Variants in IQGAP2 observed in about 807,000 individuals in gnomAD.
IQGAP2 encodes the protein ras GTPase-activating-like protein IQGAP2.
IQGAP2 carries 173 observed loss-of-function variants against 201.3 expected under a neutral mutation model. The observed-to-expected ratio is 0.86, with a 90% confidence interval of 0.76 to 0.98. The LOEUF (loss-of-function observed/expected upper bound fraction) is 0.98, where lower values mean the gene tolerates loss of function less well. Ranked by LOEUF, IQGAP2 falls within the 50% of genes least tolerant of loss-of-function variation. The pLI is 0.00. For missense variants in IQGAP2, 1,687 were observed against 1,864.8 expected (o/e 0.90, Z 1.76); for synonymous variants, 675 against 673.9 (o/e 1.00, Z -0.03).
intron 11 of IQGAP2, 24 bp from the exon 12 acceptor site, chr5:76,606,155 T>G (rs548298499): frequency 6.4e-7 from 1 of 1,569,980 alleles, no homozygotes; most frequent in Non-Finnish European, 8.6e-7. Context: ...CTAATTAACA[T>G]CAAGATTATT....
chr5:76,617,222 A>G, intron 13 of IQGAP2: 1 of 174,760 alleles, frequency 5.7e-6, no homozygotes, highest in South Asian at 1.4e-4. Context: ...AGGCCGGAAG[A>G]TCACTTGAGG....
chr5:76,522,010 ATT>A (rs760289436), intron 2 of IQGAP2, among the ~76,000 whole-genome samples: 5 of 152,098 alleles, frequency 3.3e-5, no homozygotes, highest in African/African-American at 4.8e-5. Context: ...CAATTAAATC[ATT>A]CTTACAAGTA....
At chr5:76,591,879 C>T (rs1746681242) in intron 8 of IQGAP2, among the ~76,000 whole-genome samples, 1 of 152,122 alleles carries the variant, frequency 6.6e-6, no homozygotes, top group African/African-American at 2.4e-5. Context: ...AGAAGAGTTC[C>T]CCTTGCTGAC....
chr5:76,554,729 G>A (rs1445223895), intron 2 of IQGAP2, among the ~76,000 whole-genome samples: 1 of 152,110 alleles, frequency 6.6e-6, no homozygotes, highest in Admixed American at 6.5e-5. Flanking sequence ...TGGTACAGCT[G>A]TTTTGGAAAA....
intron 35 of IQGAP2, among the ~76,000 whole-genome samples, chr5:76,704,128 T>A (rs1747671072): frequency 6.6e-6 from 1 of 152,282 alleles, no homozygotes; most frequent in South Asian, 2.1e-4. Context: ...TCTAACTTAC[T>A]TTAAATGTCA....
At chr5:76,501,345 C>T (rs1333876861) in intron 2 of IQGAP2, among the ~76,000 whole-genome samples, 3 of 152,104 alleles carry the variant, frequency 2.0e-5, no homozygotes, top group African/African-American at 7.2e-5. Context: ...GGGGGGGCAT[C>T]ACTTGAGCTC....
chr5:76,601,257 C>A (rs1029295689), intron 11 of IQGAP2, among the ~76,000 whole-genome samples: 2 of 152,202 alleles, frequency 1.3e-5, no homozygotes, highest in Non-Finnish European at 2.9e-5. Flanking sequence ...TGGAAACATA[C>A]CTTTCCTTGG....
intron 30 of IQGAP2, among the ~76,000 whole-genome samples, chr5:76,685,268 C>CTGTGGAG: frequency 6.6e-6 from 1 of 152,092 alleles, no homozygotes; most frequent in African/African-American, 2.4e-5. Context: ...GAACAAGTGC[C>CTGTGGAG]AATTATAAAG....
intron 17 of IQGAP2, among the ~76,000 whole-genome samples, chr5:76,650,784 A>C (rs1385880120): frequency 6.6e-6 from 1 of 151,846 alleles, no homozygotes; most frequent in Non-Finnish European, 1.5e-5. Flanking sequence ...CCCTTACTTT[A>C]CTCTTAACTG....
chr5:76,457,914 G>C (rs1754200085), intron 1 of IQGAP2, among the ~76,000 whole-genome samples: 1 of 152,242 alleles, frequency 6.6e-6, no homozygotes, highest in African/African-American at 2.4e-5. Context: ...TCAGAAAGCT[G>C]TGTTCTTCAC....
intron 1 of IQGAP2, among the ~76,000 whole-genome samples, chr5:76,418,138 C>T (rs1293990646): frequency 3.4e-4 from 47 of 136,688 alleles, no homozygotes; most frequent in Admixed American, 5.0e-4. Context: ...ACGTGGGAGG[C>T]GGAGGTTGCA....
At chr5:76,628,598 A>T (rs912880697) in intron 14 of IQGAP2, 2 of 387,446 alleles carry the variant, frequency 5.2e-6, no homozygotes, top group Non-Finnish European at 1.0e-5. Context: ...ATATTTCACT[A>T]ACCTGCCAAC....
At chr5:76,571,098 T>TAAA (rs200735086) in intron 4 of IQGAP2, among the ~76,000 whole-genome samples, 6 of 132,664 alleles carry the variant, frequency 4.5e-5, no homozygotes, top group Non-Finnish European at 8.3e-5. Context: ...CTGTCTCTAT[T>TAAA]AAAAAAAAAA....
At chr5:76,590,369 T>C in intron 7 of IQGAP2, 39 bp from the exon 8 acceptor site, 1 of 1,519,274 alleles carries the variant, frequency 6.6e-7, no homozygotes, top group East Asian at 2.3e-5. Context: ...TGTCTTTTGC[T>C]GATAAAAACC....
chr5:76,493,351 C>G (rs1002528283), intron 2 of IQGAP2, among the ~76,000 whole-genome samples: 9 of 151,838 alleles, frequency 5.9e-5, no homozygotes, highest in Non-Finnish European at 1.3e-4. Flanking sequence ...CTTGCTGTTC[C>G]TCTCACCCCT....
intron 3 of IQGAP2, among the ~76,000 whole-genome samples, chr5:76,565,223 C>T (rs974038411): frequency 1.3e-5 from 2 of 152,138 alleles, no homozygotes; most frequent in African/African-American, 2.4e-5. Context: ...TGTTGAAGCA[C>T]GAGGGAACGC....
At chr5:76,621,963 A>G (rs1027991007) in intron 13 of IQGAP2, among the ~76,000 whole-genome samples, 1 of 152,228 alleles carries the variant, frequency 6.6e-6, no homozygotes, top group Non-Finnish European at 1.5e-5. Flanking sequence ...TAGTTGAGCC[A>G]GTAAAGCCCC....
At position 76,627,491 on chromosome 5, in the gene IQGAP2, G is replaced by A; in HGVS notation, c.1603G>A (p.Ala535Thr). The change falls in exon 14 of 36, where the codon GCA becomes ACA. Residue 535 changes from alanine (A) to threonine (T), a missense_variant. Transcript: ENST00000274364. ...TGATGCCAACGTGGACAAGGACAGAGCAAAACAATGTAAGCCCTCACCTCC... is the reference window on the plus strand; with the variant it reads ...TGATGCCAACGTGGACAAGGACAGAACAAAACAATGTAAGCCCTCACCTCC... ...VDDANVDKDRAKQWVTLVVDV... is the reference protein window; with the variant it reads ...VDDANVDKDRTKQWVTLVVDV... 1.3e-6 allele frequency: 2 copies of A among 1,549,780 alleles called. No individual in the cohort carries two copies. Among genetic ancestry groups the A allele is most frequent in the East Asian group, 2.2e-5 (1 of 44,552 alleles).
chr5:76,700,755 C>T (rs887685112), intron 33 of IQGAP2, among the ~76,000 whole-genome samples: 8 of 152,162 alleles, frequency 5.3e-5, no homozygotes, highest in African/African-American at 1.7e-4. Flanking sequence ...CATGTTATTG[C>T]ACCAAAGCTA....
Sources: allele counts gnomAD v4.1 joint callset (sites outside exome capture counted in the v4.1 genomes callset), GRCh38; gene constraint gnomAD v4.1.1; transcripts MANE v1.5; gene names NCBI Gene and HGNC (gene_info 2026-07-23, HGNC 2026-07-21).